Variants in SHISA9 observed in about 807,000 individuals in gnomAD.
SHISA9 encodes the protein shisa family member 9.
A neutral mutation model predicts 38.0 loss-of-function variants in SHISA9; 13 were observed. That is an observed-to-expected ratio of 0.34 (90% confidence interval 0.22 to 0.54). The LOEUF is 0.54. Ranked by LOEUF, SHISA9 falls within the 20% of genes least tolerant of loss-of-function variation. The pLI, the probability that SHISA9 is intolerant of heterozygous loss-of-function variation, is 0.91. For missense variants in SHISA9, 538 were observed against 575.8 expected, an observed-to-expected ratio of 0.93 and a Z score of 0.67; for synonymous variants, 275 against 242.0, an observed-to-expected ratio of 1.14 and a Z score of -1.27.
chr16:13,022,029 C>T (rs2072861919), intron 2 of SHISA9, among the ~76,000 whole-genome samples: 1 of 152,186 alleles, frequency 6.6e-6, no homozygotes, highest in African/African-American at 2.4e-5. Flanking sequence ...TTCTTCCTAG[C>T]CTCTTCCAGC....
chr16:12,991,035 G>C (rs917068158), intron 2 of SHISA9, among the ~76,000 whole-genome samples: 1 of 152,284 alleles, frequency 6.6e-6, no homozygotes, highest in African/African-American at 2.4e-5. Flanking sequence ...TTGCTAGCAT[G>C]AAAAATTATT....
intron 2 of SHISA9, among the ~76,000 whole-genome samples, chr16:13,074,714 G>C (rs146136507): frequency 3.4e-4 from 51 of 149,934 alleles, no homozygotes; most frequent in African/African-American, 1.2e-3. Flanking sequence ...ACCCAGGCTG[G>C]AGTGCAATGG....
chr16:13,436,023 T>C, the SHISA9 span, among the ~76,000 whole-genome samples: 8 of 152,174 alleles, frequency 5.3e-5, no homozygotes, highest in Non-Finnish European at 8.8e-5. Flanking sequence ...GTAGGCCCAG[T>C]TGAAGGGTCA....
chr16:13,538,598 C>G, the SHISA9 span, among the ~76,000 whole-genome samples: 1 of 152,264 alleles, frequency 6.6e-6, no homozygotes, highest in South Asian at 2.1e-4. Flanking sequence ...TTATGATGGA[C>G]TGAAGTGTTG....
At position 13,239,894 on chromosome 16, in the gene SHISA9, A is replaced by G. The variant is rs1482649025; in HGVS notation, c.*4485A>G. 6.6e-6 allele frequency: 1 copy of G among 152,206 alleles called. No individual in the cohort carries two copies. Among genetic ancestry groups the G allele is most frequent in the Non-Finnish European group, 1.5e-5 (1 of 68,048 alleles). The allele number at this position is 152,206 out of a possible 1,614,324, so 9.4% of individuals were successfully genotyped here. A position where few individuals can be genotyped will look rare whatever the true frequency, so the allele number is the denominator to read the frequency against. ...CTTGGGAGGGTAGACAGACCTCACAATATGGAAAGACGGGACAACCTATGG... is the reference window on the plus strand; with the variant it reads ...CTTGGGAGGGTAGACAGACCTCACAGTATGGAAAGACGGGACAACCTATGG... On this transcript the variant is annotated 3_prime_UTR_variant, in exon 5 of 5. Transcript: ENST00000558583.
the SHISA9 span, among the ~76,000 whole-genome samples, chr16:13,407,070 C>CAAAAAAAAA: frequency 4.4e-5 from 2 of 45,594 alleles, no homozygotes; most frequent in Admixed American, 3.1e-4. Flanking sequence ...CTCTGTCTCA[C>CAAAAAAAAA]AAAAAAAAAA....
chr16:12,933,768 A>C (rs182516809), intron 2 of SHISA9, among the ~76,000 whole-genome samples: 47 of 152,278 alleles, frequency 3.1e-4, no homozygotes, highest in Non-Finnish European at 2.9e-5. Flanking sequence ...TCATTCAACA[A>C]ATCTTTTTCT....
At chr16:13,498,732 G>T in the SHISA9 span, among the ~76,000 whole-genome samples, 11 of 152,140 alleles carry the variant, frequency 7.2e-5, no homozygotes, top group Admixed American at 2.0e-4. Context: ...ACTCCAGCCT[G>T]GGTGACAGAG....
the SHISA9 span, among the ~76,000 whole-genome samples, chr16:13,284,307 T>C: frequency 6.6e-6 from 1 of 152,170 alleles, no homozygotes; most frequent in East Asian, 1.9e-4. Context: ...GGCTTCCATA[T>C]TTTGTCTACT....
chr16:13,055,604 GTACGAGCCAGCATCCCAC>G (rs893028071), intron 2 of SHISA9, among the ~76,000 whole-genome samples: 4 of 152,160 alleles, frequency 2.6e-5, no homozygotes, highest in African/African-American at 7.2e-5. Context: ...ACCCATTGAA[GTACGAGCCAGCATCCCAC>G]TCTGAATTAC....
chr16:13,262,342 C>A, the SHISA9 span, among the ~76,000 whole-genome samples: 1,344 of 152,276 alleles, frequency 8.8e-3, 19 homozygotes, highest in African/African-American at 0.031. Context: ...ACTCTAAATT[C>A]TAGATCCTGG....
At chr16:12,937,336 T>A (rs1450048172) in intron 2 of SHISA9, among the ~76,000 whole-genome samples, 3 of 152,208 alleles carry the variant, frequency 2.0e-5, no homozygotes, top group Admixed American at 2.0e-4. Context: ...CCCTCTCTCC[T>A]CAAGCACTCT....
chr16:13,285,596 T>C, the SHISA9 span, among the ~76,000 whole-genome samples: 1 of 151,460 alleles, frequency 6.6e-6, no homozygotes, highest in African/African-American at 2.4e-5. Flanking sequence ...CTGTAAGCTA[T>C]CCAAGGTATA....
the SHISA9 span, among the ~76,000 whole-genome samples, chr16:13,389,471 G>A: frequency 6.6e-6 from 1 of 152,072 alleles, no homozygotes; most frequent in Non-Finnish European, 1.5e-5. Flanking sequence ...ATGTACATGT[G>A]TATCAAAATA....
At chr16:13,273,421 C>T in the SHISA9 span, among the ~76,000 whole-genome samples, 4 of 152,092 alleles carry the variant, frequency 2.6e-5, no homozygotes, top group African/African-American at 9.7e-5. Flanking sequence ...CTGTGCTGTT[C>T]TCCTGATAGC....
At chr16:13,027,746 G>C (rs927590098) in intron 2 of SHISA9, among the ~76,000 whole-genome samples, 1 of 151,882 alleles carries the variant, frequency 6.6e-6, no homozygotes, top group Non-Finnish European at 1.5e-5. Flanking sequence ...GGCCGACATG[G>C]TGAAACCCTG....
intron 2 of SHISA9, among the ~76,000 whole-genome samples, chr16:13,191,976 G>A (rs1418844566): frequency 1.3e-5 from 2 of 152,140 alleles, no homozygotes; most frequent in African/African-American, 4.8e-5. Flanking sequence ...AACTGTTGAT[G>A]TGCTCATCAA....
At chr16:13,440,143 TC>T in the SHISA9 span, among the ~76,000 whole-genome samples, 1 of 152,170 alleles carries the variant, frequency 6.6e-6, no homozygotes, top group African/African-American at 2.4e-5. Context: ...CCCCACAGAA[TC>T]CATGAATTTG....
chr16:13,255,974 C>T, the SHISA9 span, among the ~76,000 whole-genome samples: 2 of 152,154 alleles, frequency 1.3e-5, no homozygotes, highest in East Asian at 1.9e-4. Context: ...AAAGAGGTGT[C>T]ATATAACAAC....
Sources: gnomAD v4.1 joint callset for allele counts (sites outside exome capture counted in the v4.1 genomes callset) on GRCh38, gnomAD v4.1.1 for gene constraint, MANE v1.5 for transcripts, NCBI Gene and HGNC (gene_info 2026-07-23, HGNC 2026-07-21) for gene names.